Variants in SLC7A6 observed in about 807,000 individuals in gnomAD.
The protein encoded by SLC7A6 is Y+L amino acid transporter 2.
SLC7A6 carries 29 observed loss-of-function variants against 46.6 expected under a neutral mutation model. The observed-to-expected ratio is 0.62, with a 90% CI of 0.46 to 0.85. The LOEUF is 0.85. Ranked by LOEUF, SLC7A6 falls within the 40% of genes least tolerant of loss-of-function variation. The pLI, the probability that SLC7A6 is intolerant of heterozygous loss-of-function variation, is 0.00. For missense variants in SLC7A6, 527 were observed against 647.6 expected (o/e 0.81, Z 2.02); for synonymous variants, 276 against 257.3 (o/e 1.07, Z -0.70).
chr16:68,285,849 T>C (rs1195979890), intron 3 of SLC7A6, among the ~76,000 whole-genome samples: 1 of 151,756 alleles, frequency 6.6e-6, no homozygotes, highest in African/African-American at 2.4e-5. Context: ...AATCCTAATA[T>C]GGGAGGCTGA....
At chr16:68,296,592 C>G in intron 9 of SLC7A6, 35 bp from the exon 10 acceptor site, 1 of 1,613,716 alleles carries the variant, frequency 6.2e-7, no homozygotes, top group Non-Finnish European at 8.5e-7. Context: ...TTTCCTCTTC[C>G]CACGTTACTT....
Position 68,297,539 on chromosome 16 carries a change from G to T in SLC7A6, c.*211G>T. The T allele has an allele frequency of 1.9e-5, 4 of 207,608 alleles. No homozygotes were observed. Among genetic ancestry groups the T allele is most frequent in the Non-Finnish European group, 3.9e-5 (4 of 102,640 alleles). 12.9% of individuals were successfully genotyped at this position (207,608 alleles called of 1,614,324 possible). The stretch of plus-strand genomic sequence containing the variant: ...AGGTGGGGGCTTCAGAGGGTGGGGG[G>T]AAGATTGGGGAACGGGGGGAATGGT... On this transcript the variant is annotated 3_prime_UTR_variant, in exon 11 of 11. Coordinates refer to ENST00000219343, the MANE Select transcript of SLC7A6 (RefSeq NM_003983.6).
At chr16:68,267,462 G>T (rs1182280634) in intron 2 of SLC7A6, among the ~76,000 whole-genome samples, 1 of 152,008 alleles carries the variant, frequency 6.6e-6, no homozygotes, top group Non-Finnish European at 1.5e-5. Context: ...CGATCCACCC[G>T]CCTCAGCCTC....
chr16:68,282,901 A>AGCCACT (rs2042855438), intron 3 of SLC7A6, among the ~76,000 whole-genome samples: 1 of 152,134 alleles, frequency 6.6e-6, no homozygotes, highest in Non-Finnish European at 1.5e-5. Flanking sequence ...TACAGGTGTG[A>AGCCACT]GCCACTGCGC....
chr16:68,278,051 G>C (rs1309263768), intron 3 of SLC7A6, among the ~76,000 whole-genome samples: 1 of 151,842 alleles, frequency 6.6e-6, no homozygotes, highest in Non-Finnish European at 1.5e-5. Flanking sequence ...CCACCTCCCG[G>C]GTTCAAGAGA....
rs750101071 is a variant in SLC7A6 at position 68,299,458 on chromosome 16, T to C, written c.*2130T>C. The C allele has an allele frequency of 6.6e-6, 1 of 152,586 alleles. No individual in the cohort carries two copies. The highest frequency in any genetic ancestry group is 6.5e-5 in the Admixed American group (1 of 15,270). The allele number at this position is 152,586 out of a possible 1,614,324, so 9.5% of individuals were successfully genotyped here. A position where few individuals can be genotyped will look rare whatever the true frequency, so the allele number is the denominator to read the frequency against. On this transcript the variant is annotated 3_prime_UTR_variant, in exon 11 of 11. Coordinates refer to ENST00000219343, the MANE Select transcript of SLC7A6 (RefSeq NM_003983.6). The stretch of plus-strand genomic sequence containing the variant: ...TGGATACAGACTTCTCCCAGGATCC[T>C]CTCTTTGGGAGCGAAGCCAGAGGAT...
intron 1 of SLC7A6, among the ~76,000 whole-genome samples, chr16:68,265,087 C>G (rs1012321207): frequency 6.6e-6 from 1 of 152,206 alleles, no homozygotes; most frequent in East Asian, 1.9e-4. Context: ...GGCTCAGGAC[C>G]TCAGGAGCCA....
chr16:68,278,028 C>T (rs1223633565), intron 3 of SLC7A6, among the ~76,000 whole-genome samples: 8 of 152,020 alleles, frequency 5.3e-5, no homozygotes, highest in African/African-American at 1.9e-4. Flanking sequence ...CAACCTCTGG[C>T]TCACTGCATC....
chr16:68,270,083 AT>A (rs1452565649), intron 2 of SLC7A6, among the ~76,000 whole-genome samples: 3 of 151,806 alleles, frequency 2.0e-5, no homozygotes, highest in African/African-American at 7.3e-5. Context: ...CAGCTTTAGG[AT>A]TTCTCTGTGC....
chr16:68,301,534 AAAG>A lies in SLC7A6; in HGVS notation c.*4209_*4211del. The A allele has an allele frequency of 1.4e-6, 1 of 694,830 alleles. No homozygotes were observed. The highest frequency in any genetic ancestry group is 2.2e-6 in the Non-Finnish European group (1 of 453,674). 43.0% of individuals were successfully genotyped at this position (694,830 alleles called of 1,614,324 possible). A position where few individuals can be genotyped will look rare whatever the true frequency, so the allele number is the denominator to read the frequency against. On this transcript the variant is annotated 3_prime_UTR_variant, in exon 11 of 11. Transcript: ENST00000219343. ...GCAAAATCCTTGCTCAATAAATAAA[AAAG>A]AATATAGAATTCTTTTTTTTTTAAA...
chr16:68,272,007 G>A (rs1035554705), intron 2 of SLC7A6, among the ~76,000 whole-genome samples: 1 of 152,024 alleles, frequency 6.6e-6, no homozygotes, highest in African/African-American at 2.4e-5. Flanking sequence ...GTTTCACCAT[G>A]TTGGCCAGGA....
chr16:68,290,188 T>A, intron 4 of SLC7A6: 1 of 559,174 alleles, frequency 1.8e-6, no homozygotes, highest in South Asian at 2.5e-5. Flanking sequence ...TGGTTGTTGA[T>A]CTTTTGGTGT....
At chr16:68,286,583 G>A (rs912917035) in intron 3 of SLC7A6, among the ~76,000 whole-genome samples, 1 of 152,220 alleles carries the variant, frequency 6.6e-6, no homozygotes, top group African/African-American at 2.4e-5. Flanking sequence ...GCTAGAGGCA[G>A]TACTCACAGA....
At chr16:68,282,939 T>C (rs1351930952) in intron 3 of SLC7A6, among the ~76,000 whole-genome samples, 2 of 152,216 alleles carry the variant, frequency 1.3e-5, no homozygotes, top group African/African-American at 4.8e-5. Context: ...TTTTTGTTGT[T>C]ATTTTTTGTT....
At chr16:68,270,095 A>C (rs975275268) in intron 2 of SLC7A6, among the ~76,000 whole-genome samples, 2 of 151,960 alleles carry the variant, frequency 1.3e-5, no homozygotes, top group African/African-American at 4.8e-5. Flanking sequence ...TTCTCTGTGC[A>C]CCTATGCCTC....
In SLC7A6 at chr16:68,275,181, T is replaced by C; in HGVS notation, c.455T>C (p.Ile152Thr). The change falls in exon 3 of 11, where the codon ATC (isoleucine) becomes ACC (threonine). Residue 152 changes from isoleucine (I) to threonine (T), a missense_variant. Coordinates refer to ENST00000219343, the MANE Select transcript of SLC7A6 (RefSeq NM_003983.6). Reference sequence around the variant, plus strand: ...GCCATCACCTTTGCCAACTACATCATCCAGCCGTCCTTCCCCAGCTGTGAT... The same window carrying C: ...GCCATCACCTTTGCCAACTACATCACCCAGCCGTCCTTCCCCAGCTGTGAT... ...IIAITFANYI[I>T]QPSFPSCDPP... 2 of 1,613,272 alleles carry C rather than the reference T, an allele frequency of 1.2e-6. No homozygotes were observed. Among genetic ancestry groups the C allele is most frequent in the Non-Finnish European group, 1.7e-6 (2 of 1,179,844 alleles).
chr16:68,290,650 C>T, intron 5 of SLC7A6, 110 bp downstream of exon 5: 1 of 1,278,232 alleles, frequency 7.8e-7, no homozygotes, highest in Non-Finnish European at 1.1e-6. Context: ...CTCCCCTCTT[C>T]TCCCTACTCC....
intron 4 of SLC7A6, among the ~76,000 whole-genome samples, chr16:68,289,511 G>A (rs539824598): frequency 3.3e-5 from 5 of 152,262 alleles, no homozygotes; most frequent in Admixed American, 1.3e-4. Flanking sequence ...ACACCCCTGA[G>A]GACAGGGGTC....
intron 2 of SLC7A6, among the ~76,000 whole-genome samples, chr16:68,268,404 G>A (rs1331527201): frequency 6.6e-6 from 1 of 152,218 alleles, no homozygotes; most frequent in Non-Finnish European, 1.5e-5. Context: ...CTTCTGTGTT[G>A]ATTATTGTGG....
Sources: gnomAD v4.1 joint callset for allele counts (sites outside exome capture counted in the v4.1 genomes callset) on GRCh38, gnomAD v4.1.1 for gene constraint, MANE v1.5 for transcripts, NCBI Gene and HGNC (gene_info 2026-07-23, HGNC 2026-07-21) for gene names.